Variants in TF observed in about 807,000 individuals in gnomAD.
The protein encoded by TF is transferrin, also known as serotransferrin.
A neutral mutation model predicts 82.4 loss-of-function variants in TF; 55 were observed. That is an observed-to-expected ratio of 0.67 (90% confidence interval 0.54 to 0.84). The LOEUF (loss-of-function observed/expected upper bound fraction) is 0.84, where lower values mean the gene tolerates loss of function less well. TF is among the 40% of genes least tolerant of loss of function. TF has a pLI of 0.00. For synonymous variants in TF, 332 were observed against 332.6 expected (o/e 1.00, Z 0.02); for missense variants, 737 against 868.4 (o/e 0.85, Z 1.90).
At chr3:133,680,457 A>C in the TF span, among the ~76,000 whole-genome samples, 1 of 151,864 alleles carries the variant, frequency 6.6e-6, no homozygotes, top group Non-Finnish European at 1.5e-5. Flanking sequence ...CTTCAGCCTC[A>C]ACCTCCCTAG....
At position 133,770,330 on chromosome 3, in the gene TF, A is replaced by G. The variant is rs147550497; in HGVS notation, c.1623-178A>G. 3.5e-3 allele frequency among the ~76,000 whole-genome samples: 532 copies of G among 152,342 alleles called. 5 individuals are homozygous for G. Among genetic ancestry groups the G allele is most frequent in the African/African-American group, 0.012 (481 of 41,572 alleles). On this transcript the variant is annotated intron_variant, in intron 13 of 16. Transcript: ENST00000402696. ...GTGGAACTGAGATTGTAAAACTACA[A>G]TCAATTCAGAGTGTTTTGTTTTTGT...
chr3:133,755,929 T>C lies in TF; in HGVS notation c.636-353T>C, dbSNP rs1022109223. ...TCTGGGAAGCTGATTTCTTGCTTTC[T>C]CTTTTTACCTTGATTATATCCTAAA... is the stretch of plus-strand genomic sequence containing the variant. On this transcript the variant is annotated intron_variant, in intron 5 of 16. Coordinates refer to ENST00000402696, the MANE Select transcript of TF (RefSeq NM_001063.4). The C allele has an allele frequency of 1.8e-5, 8 of 443,374 alleles. No individual in the cohort carries two copies. In the Admixed American group the frequency reaches 3.1e-4, roughly 17 times the overall value. 27.5% of individuals were successfully genotyped at this position (443,374 alleles called of 1,614,324 possible). A position where few individuals can be genotyped will look rare whatever the true frequency, so the allele number is the denominator to read the frequency against.
At chr3:133,680,643 C>T in the TF span, among the ~76,000 whole-genome samples, 2 of 151,982 alleles carry the variant, frequency 1.3e-5, no homozygotes, top group African/African-American at 4.8e-5. Flanking sequence ...ATTCTACTCC[C>T]TTGGTTGTGC....
chr3:133,789,878 C>CATTTTTTTTTTTTT lies in TF; in HGVS notation c.*11258_*11259insATTTTTTTTTTTTT. The CATTTTTTTTTTTTT allele has an allele frequency of 1.9e-5, 1 of 52,408 alleles. No individual in the cohort carries two copies. Among genetic ancestry groups the CATTTTTTTTTTTTT allele is most frequent in the South Asian group, 5.9e-4 (1 of 1,684 alleles). The allele number at this position is 52,408 out of a possible 1,614,324, so 3.2% of individuals were successfully genotyped here. On this transcript the variant is annotated 3_prime_UTR_variant, in exon 17 of 17. Transcript: ENST00000402696. ...AGCCAAAACAAAACGATCTCGTTTGCGTTTTTTTTTTTTTTTTTTTTTTTT... is the reference window on the plus strand; with the variant it reads ...AGCCAAAACAAAACGATCTCGTTTGCATTTTTTTTTTTTTGTTTTTTTTTTTTTTTTTTTTTTTT...
At chr3:133,771,465 C>T (rs989203281) in intron 14 of TF, among the ~76,000 whole-genome samples, 8 of 152,102 alleles carry the variant, frequency 5.3e-5, no homozygotes, top group African/African-American at 1.7e-4. Flanking sequence ...AAGCCGGGCG[C>T]AGTGGCTCAC....
Position 133,791,614 on chromosome 3 carries a change from T to C in TF, c.*12994T>C, listed in dbSNP as rs1934834757. The C allele has an allele frequency of 6.6e-6, 1 of 152,210 alleles. No individual in the cohort carries two copies. The highest frequency in any genetic ancestry group is 2.4e-5 in the African/African-American group (1 of 41,460). The allele number at this position is 152,210 out of a possible 1,614,324, so 9.4% of individuals were successfully genotyped here. The stretch of plus-strand genomic sequence containing the variant: ...CTGGTGTGCTTTGTGTCTTTCTGTA[T>C]TGTTTTGTCATAAAGAGGGGTACCT... On this transcript the variant is annotated 3_prime_UTR_variant, in exon 17 of 17. Coordinates refer to ENST00000402696, the MANE Select transcript of TF (RefSeq NM_001063.4).
At chr3:133,755,011 C>T (rs771737581) in intron 4 of TF, among the ~76,000 whole-genome samples, 5 of 152,186 alleles carry the variant, frequency 3.3e-5, no homozygotes, top group Non-Finnish European at 7.3e-5. Flanking sequence ...AGCCCTGCAC[C>T]TCTCTTAAGC....
the TF span, among the ~76,000 whole-genome samples, chr3:133,669,193 G>T: frequency 6.6e-6 from 1 of 151,944 alleles, no homozygotes; most frequent in Admixed American, 6.5e-5. Flanking sequence ...GTAGAGACGG[G>T]GTTTCACTAT....
rs1934526510 is a variant in TF, at chr3:133,782,092, A to G, written c.*3472A>G. 1.3e-5 allele frequency: 2 copies of G among 152,244 alleles called. No homozygotes were observed. The highest frequency in any genetic ancestry group is 2.4e-5 in the African/African-American group (1 of 41,456). The allele number at this position is 152,244 out of a possible 1,614,324, so 9.4% of individuals were successfully genotyped here. On this transcript the variant is annotated 3_prime_UTR_variant, in exon 17 of 17. Transcript: ENST00000402696. ...AAGGGAAATGTGAATTGAAACCATT[A>G]TGAGACACTAGATAATAATAGGATG...
At chr3:133,752,508 T>G (rs1031061062) in intron 2 of TF, among the ~76,000 whole-genome samples, 20 of 152,326 alleles carry the variant, frequency 1.3e-4, no homozygotes, top group African/African-American at 2.6e-4. Flanking sequence ...AAACTATGTG[T>G]TTAAGTGTCT....
chr3:133,759,103 G>A, intron 8 of TF, 72 bp from the exon 9 acceptor site: 1 of 1,586,984 alleles, frequency 6.3e-7, no homozygotes, highest in Admixed American at 1.7e-5. Flanking sequence ...CATGAAGACA[G>A]TGAGTAGTGC....
rs1257897555 is a variant in TF at position 133,795,373 on chromosome 3, C to T, written c.*16753C>T. 3 of 152,128 alleles carry T rather than the reference C, an allele frequency of 2.0e-5. No homozygotes were observed. The highest frequency in any genetic ancestry group is 4.4e-5 in the Non-Finnish European group (3 of 68,064). 9.4% of individuals were successfully genotyped at this position (152,128 alleles called of 1,614,324 possible). A position where few individuals can be genotyped will look rare whatever the true frequency, so the allele number is the denominator to read the frequency against. On this transcript the variant is annotated 3_prime_UTR_variant, in exon 17 of 17. Transcript: ENST00000402696. ...GTTTTAAATGTTTGCATGCTGCCAC[C>T]TCTAGAATGTCAAATGGCCTCTCTT...
In TF at chr3:133,764,461, T is replaced by C. The variant is rs1356062348; in HGVS notation, c.1297+186T>C. On this transcript the variant is annotated intron_variant, in intron 10 of 16. Transcript: ENST00000402696. ...CACAGTCATCTTGAAGGTTGGGAGTTATAGTACATTCCAGAAATGGGAAAT... is the reference window on the plus strand; with the variant it reads ...CACAGTCATCTTGAAGGTTGGGAGTCATAGTACATTCCAGAAATGGGAAAT... Among the ~76,000 whole-genome samples the C allele has an allele frequency of 3.3e-5, 5 of 152,194 alleles. No homozygotes were observed. In the East Asian group the frequency reaches 9.6e-4, roughly 29 times the overall value.
chr3:133,722,254 CTATTTGCATGGAA>C, the TF span, among the ~76,000 whole-genome samples: 1 of 151,772 alleles, frequency 6.6e-6, no homozygotes, highest in South Asian at 2.1e-4. Context: ...CTTCTGGTTT[CTATTTGCATGGAA>C]TATCTTTTTC....
chr3:133,711,677 G>T, the TF span, among the ~76,000 whole-genome samples: 1 of 152,028 alleles, frequency 6.6e-6, no homozygotes, highest in Non-Finnish European at 1.5e-5. Context: ...CTCCACATCC[G>T]CTCTGGTTTC....
Position 133,777,221 on chromosome 3 carries a change from G to A in TF, c.2045G>A (p.Arg682Lys). Residue 682 changes from arginine (R) to lysine (K), a missense_variant, in exon 16 of 17, where the codon AGA becomes AAA. Physicochemically the swap from Arg to Lys is conservative, Grantham distance 26. Coordinates refer to ENST00000402696, the MANE Select transcript of TF (RefSeq NM_001063.4). ...EEYVKAVGNL[R>K]KCSTSSLLEA... ...TATGTCAAGGCTGTTGGTAACCTGA[G>A]AAAATGCTCCACCTCATGTGAGTAG... 1.2e-6 allele frequency: 2 copies of A among 1,612,976 alleles called. No individual in the cohort carries two copies. The highest frequency in any genetic ancestry group is 1.7e-6 in the Non-Finnish European group (2 of 1,179,982).
At chr3:133,771,855 A>G (rs1241539657) in intron 14 of TF, among the ~76,000 whole-genome samples, 1 of 152,066 alleles carries the variant, frequency 6.6e-6, no homozygotes, top group Non-Finnish European at 1.5e-5. Context: ...AACATTGGCC[A>G]GACTGAGCAC....
Position 133,754,484 on chromosome 3 carries a change from T to G in TF, c.326-11T>G, listed in dbSNP as rs1366681681. On this transcript the variant is annotated splice_polypyrimidine_tract_variant and intron_variant, in intron 3 of 16. Transcript: ENST00000402696. ...GGCTGAGGGCCTTCCATTCACACTG[T>G]GCCTTTGCAGATCCACAGACTTTCT... 24 of 1,614,046 alleles carry G rather than the reference T, an allele frequency of 1.5e-5. No homozygotes were observed. Among genetic ancestry groups the G allele is most frequent in the Non-Finnish European group, 1.8e-5 (21 of 1,179,960 alleles).
In TF at chr3:133,746,411, G is replaced by A. The variant is rs1374990384; in HGVS notation, c.-30G>A. On this transcript the variant is annotated 5_prime_UTR_variant, in exon 1 of 17. In the 5' UTR this introduces an upstream ATG that the reference lacks. Coordinates refer to ENST00000402696, the MANE Select transcript of TF (RefSeq NM_001063.4). ...AGGCTGCACAGAAGCGAGTCCGACT[G>A]TGCTCGCTGCTCAGCGCCGCACCCG... 11 of 1,589,156 alleles carry A rather than the reference G, an allele frequency of 6.9e-6. No individual in the cohort carries two copies. The highest frequency in any genetic ancestry group is 9.4e-6 in the Non-Finnish European group (11 of 1,171,478).
Sources: gnomAD v4.1 joint callset for allele counts (sites outside exome capture counted in the v4.1 genomes callset) on GRCh38, gnomAD v4.1.1 for gene constraint, MANE v1.5 for transcripts, NCBI Gene and HGNC (gene_info 2026-07-23, HGNC 2026-07-21) for gene names.